HIVEP3: variants seen among roughly 807,000 people sequenced by gnomAD.
The protein encoded by HIVEP3 is transcription factor HIVEP3.
Under a neutral mutation model 152.8 loss-of-function variants are expected in HIVEP3, and 49 were observed. That is an observed-to-expected ratio of 0.32 (90% confidence interval 0.26 to 0.41). HIVEP3 has a LOEUF of 0.41. Ranked by LOEUF, HIVEP3 falls within the 10% of genes least tolerant of loss-of-function variation. The probability of loss-of-function intolerance (pLI) is 1.00; values close to 1 mark genes in which losing one functional copy is unlikely to be tolerated. For synonymous variants in HIVEP3, 1,269 were observed against 1,289.0 expected, an observed-to-expected ratio of 0.98 and a Z score of 0.33; for missense variants, 2,790 against 3,103.3, an observed-to-expected ratio of 0.90 and a Z score of 2.40.
chr1:41,929,809 A>T (rs183394290), intron 1 of HIVEP3, among the ~76,000 whole-genome samples: 1 of 147,302 alleles, frequency 6.8e-6, no homozygotes. Flanking sequence ...CCATGGATTC[A>T]TTCCATCATT....
intron 1 of HIVEP3, among the ~76,000 whole-genome samples, chr1:41,792,188 G>A (rs1028677115): frequency 6.6e-6 from 1 of 152,202 alleles, no homozygotes; most frequent in Non-Finnish European, 1.5e-5. Flanking sequence ...ATGTAGCCCA[G>A]GACCTGGGAA....
chr1:41,956,493 T>C (rs1645141199), intron 1 of HIVEP3, among the ~76,000 whole-genome samples: 2 of 152,222 alleles, frequency 1.3e-5, no homozygotes, highest in South Asian at 4.1e-4. Context: ...AGAATTTCTG[T>C]AACTAAAGCC....
At chr1:41,840,785 C>A (rs1315626927) in intron 1 of HIVEP3, among the ~76,000 whole-genome samples, 1 of 152,186 alleles carries the variant, frequency 6.6e-6, no homozygotes, top group Non-Finnish European at 1.5e-5. Flanking sequence ...AAGCTTGGCA[C>A]TGGAAGGAGG....
intron 1 of HIVEP3, among the ~76,000 whole-genome samples, chr1:41,770,322 C>T (rs1259378112): frequency 1.3e-5 from 2 of 152,064 alleles, no homozygotes; most frequent in Non-Finnish European, 2.9e-5. Context: ...CGTATCTCCC[C>T]CAGAATATTT....
intron 1 of HIVEP3, among the ~76,000 whole-genome samples, chr1:41,978,073 T>C (rs1645271113): frequency 6.6e-6 from 1 of 152,238 alleles, no homozygotes. Flanking sequence ...TTTTTTCCCA[T>C]TAAGACCCAA....
chr1:41,700,794 T>C (rs774773584), intron 2 of HIVEP3, 122 bp downstream of exon 2: 19 of 249,020 alleles, frequency 7.6e-5, no homozygotes, highest in Non-Finnish European at 1.2e-4. Flanking sequence ...CGTGTGGGGC[T>C]CCATTCTCCT....
intron 1 of HIVEP3, among the ~76,000 whole-genome samples, chr1:41,830,282 GA>G (rs11352010): frequency 0.35 from 53,848 of 152,074 alleles, 9,713 homozygotes; most frequent in African/African-American, 0.37. Context: ...CCATAAGTTG[GA>G]AGTCAGTAAA....
chr1:41,701,164 C>A (rs144340305), intron 1 of HIVEP3, among the ~76,000 whole-genome samples, 169 bp from the exon 2 acceptor site: 3 of 152,320 alleles, frequency 2.0e-5, no homozygotes, highest in African/African-American at 7.2e-5. Flanking sequence ...CAGGTCCCTG[C>A]GGATGAAACC....
At chr1:41,592,589 G>C (rs116351921) in intron 3 of HIVEP3, among the ~76,000 whole-genome samples, 8,910 of 152,230 alleles carry the variant, frequency 0.059, 329 homozygotes, top group Non-Finnish European at 0.084. Flanking sequence ...CTCCCCGTGG[G>C]ACTGACTGAG....
Position 41,562,532 on chromosome 1 carries a change from CCCTTCCTT to C in HIVEP3, c.5207+13004_5207+13011del, listed in dbSNP as rs60530597. ...CTCTTTCTCCTTCCTCCCTTCCCTT[CCCTTCCTT>C]CCTTCCTTCCTTCCTTCTTTCCTTC... On this transcript the variant is annotated intron_variant, in intron 5 of 8. Coordinates refer to ENST00000372583, the MANE Select transcript of HIVEP3 (RefSeq NM_024503.5). Among the ~76,000 whole-genome samples, 249 of 141,872 alleles carry C rather than the reference CCCTTCCTT, an allele frequency of 1.8e-3. 2 individuals are homozygous for C. The highest frequency in any genetic ancestry group is 4.7e-3 in the African/African-American group (180 of 38,466). 93.1% of individuals were successfully genotyped at this position (141,872 alleles called of 152,430 possible). A position where few individuals can be genotyped will look rare whatever the true frequency, so the allele number is the denominator to read the frequency against.
intron 1 of HIVEP3, among the ~76,000 whole-genome samples, chr1:41,863,663 C>T (rs866930674): frequency 1.3e-5 from 2 of 152,174 alleles, no homozygotes; most frequent in East Asian, 1.9e-4. Flanking sequence ...TGCATGAGTT[C>T]GTCAAAATTG....
At chr1:41,729,345 C>T (rs779970864) in intron 1 of HIVEP3, among the ~76,000 whole-genome samples, 1 of 152,206 alleles carries the variant, frequency 6.6e-6, no homozygotes, top group Non-Finnish European at 1.5e-5. Flanking sequence ...CAACTCACTC[C>T]AACTCTGTAA....
chr1:41,833,719 G>A (rs748408960), intron 1 of HIVEP3, among the ~76,000 whole-genome samples: 10 of 152,122 alleles, frequency 6.6e-5, no homozygotes, highest in African/African-American at 1.4e-4. Flanking sequence ...CAAGAAGCAC[G>A]CCTGAGCCCA....
chr1:41,659,969 TGCGTAGGA>T (rs1347873083), intron 2 of HIVEP3, among the ~76,000 whole-genome samples: 1 of 152,206 alleles, frequency 6.6e-6, no homozygotes, highest in South Asian at 2.1e-4. Flanking sequence ...TGTGAGAGTG[TGCGTAGGA>T]GCAGATGTGT....
At position 41,513,332 on chromosome 1, in the gene HIVEP3, C is replaced by T. The variant is rs1642498208; in HGVS notation, c.5889G>A (p.Val1963=). ...DTGSALSYKP[V]SPRRPWSPSK... is the part of the protein sequence containing the mutation. ...TTGGGGACCACGGTCTTCTTGGGGA[C>T]ACAGGCTTGTAGCTCAAGGCTGAGC... The change falls in exon 8 of 9, where the codon GTG becomes GTA. Residue 1963 remains valine, a synonymous_variant. Transcript: ENST00000372583. 5.6e-6 allele frequency: 9 copies of T among 1,612,924 alleles called. No individual in the cohort carries two copies. Among genetic ancestry groups the T allele is most frequent in the African/African-American group, 1.3e-5 (1 of 74,890 alleles).
intron 5 of HIVEP3, among the ~76,000 whole-genome samples, chr1:41,530,559 C>A (rs1643215323): frequency 1.3e-5 from 2 of 152,224 alleles, no homozygotes; most frequent in African/African-American, 2.4e-5. Context: ...AGCCCCGCAA[C>A]CTCCTGGACA....
chr1:41,753,728 C>T (rs1647207246), intron 1 of HIVEP3, among the ~76,000 whole-genome samples: 1 of 146,288 alleles, frequency 6.8e-6, no homozygotes, highest in Admixed American at 6.9e-5. Flanking sequence ...ACAATGGAAG[C>T]GTTTCTAATG....
chr1:41,584,176 G>A lies in HIVEP3; in HGVS notation c.622C>T (p.Gln208Ter). ...CCTGTGTGTGAGCGAATGTGCTTCT[G>A]GAGCACGCTGGGCTTGGCACAGGGC... Reference protein sequence around the residue: ...SRPCAKPSVLQKHIRSHTGER... With the variant: ...SRPCAKPSVL The change falls in exon 4 of 9, where the codon CAG becomes TAG. Residue 208 changes from glutamine (Q) to a stop codon, truncating the protein, a stop_gained. Coordinates refer to ENST00000372583, the MANE Select transcript of HIVEP3 (RefSeq NM_024503.5). LOFTEE classifies it high-confidence loss of function. The surrounding 1 kb of genome is among the most constrained non-coding windows in gnomAD (Gnocchi z 5.2). 1.2e-6 allele frequency: 2 copies of A among 1,614,188 alleles called. No individual in the cohort carries two copies. Among genetic ancestry groups the A allele is most frequent in the Non-Finnish European group, 1.7e-6 (2 of 1,180,048 alleles).
chr1:41,798,253 C>T (rs906000498), intron 1 of HIVEP3, among the ~76,000 whole-genome samples: 1 of 150,862 alleles, frequency 6.6e-6, no homozygotes, highest in Non-Finnish European at 1.5e-5. Flanking sequence ...CAAACCTGCA[C>T]ATTGTGCACA....
Sources: gnomAD v4.1 joint callset for allele counts (sites outside exome capture counted in the v4.1 genomes callset) on GRCh38, gnomAD v4.1.1 for gene constraint, Gnocchi (gnomAD v3.1) non-coding constraint, MANE v1.5 for transcripts, NCBI Gene and HGNC (gene_info 2026-07-23, HGNC 2026-07-21) for gene names.